The following GRID2 variants were observed in gnomAD, a reference collection of about 807,000 sequenced individuals.
The protein encoded by GRID2 is glutamate receptor ionotropic, delta-2.
In GRID2, 33 loss-of-function variants were observed where a neutral mutation model predicts 114.8. The ratio of observed to expected loss-of-function variants is 0.29; its 90% CI spans 0.22 to 0.38. GRID2 has a LOEUF of 0.38. Among genes scored for constraint, GRID2 ranks in the 10% least tolerant of loss-of-function variants. GRID2 has a pLI of 1.00. For synonymous variants in GRID2, 505 were observed against 449.9 expected (o/e 1.12, Z -1.55); for missense variants, 1,184 against 1,257.7 (o/e 0.94, Z 0.89).
At chr4:92,356,087 C>A (rs1177919835) in intron 1 of GRID2, among the ~76,000 whole-genome samples, 2 of 151,394 alleles carry the variant, frequency 1.3e-5, no homozygotes, top group South Asian at 4.1e-4. Flanking sequence ...CATTTTATTT[C>A]TTTTATTGAG....
intron 1 of GRID2, among the ~76,000 whole-genome samples, chr4:92,415,323 A>T (rs1731542858): frequency 6.6e-6 from 1 of 151,804 alleles, no homozygotes; most frequent in South Asian, 2.1e-4. Flanking sequence ...GTTTATTTTT[A>T]TTATTATTAT....
At chr4:92,861,005 T>C (rs957075968) in intron 2 of GRID2, among the ~76,000 whole-genome samples, 3 of 152,078 alleles carry the variant, frequency 2.0e-5, no homozygotes, top group Non-Finnish European at 4.4e-5. Flanking sequence ...GTTATAAATA[T>C]ATGACAGTAC....
At chr4:93,744,498 G>T (rs1269041254) in intron 14 of GRID2, among the ~76,000 whole-genome samples, 1 of 152,182 alleles carries the variant, frequency 6.6e-6, no homozygotes, top group Non-Finnish European at 1.5e-5. Flanking sequence ...AGTAACTGCA[G>T]ATGTGGTGGA....
chr4:92,583,222 T>C (rs554182153), intron 1 of GRID2, among the ~76,000 whole-genome samples: 3 of 152,202 alleles, frequency 2.0e-5, no homozygotes, highest in African/African-American at 7.2e-5. Context: ...AAATAATGTC[T>C]ATGAGCCACT....
intron 1 of GRID2, among the ~76,000 whole-genome samples, chr4:92,429,012 C>T (rs549757934): frequency 2.0e-5 from 3 of 152,280 alleles, no homozygotes; most frequent in African/African-American, 4.8e-5. Flanking sequence ...CTATCCCTCC[C>T]TTACCTCCAC....
intron 2 of GRID2, among the ~76,000 whole-genome samples, chr4:92,622,006 A>G (rs62307910): frequency 0.056 from 8,444 of 151,880 alleles, 304 homozygotes; most frequent in East Asian, 0.16. Flanking sequence ...TAGAACAATC[A>G]TGTTTGTTAT....
intron 14 of GRID2, among the ~76,000 whole-genome samples, chr4:93,681,285 C>A (rs181480433): frequency 0.019 from 2,789 of 146,340 alleles, 72 homozygotes; most frequent in Non-Finnish European, 0.024. Flanking sequence ...AAGAGGATAC[C>A]AAGAAATGGA....
intron 1 of GRID2, among the ~76,000 whole-genome samples, chr4:93,791,135 A>G (rs1206864689): frequency 6.6e-6 from 1 of 152,242 alleles, no homozygotes; most frequent in Non-Finnish European, 1.5e-5. Context: ...GAGATGTACA[A>G]ATGAAAACAT....
chr4:92,411,645 G>GTATATATATATATA (rs1390740726), intron 1 of GRID2, among the ~76,000 whole-genome samples: 14 of 92,836 alleles, frequency 1.5e-4, no homozygotes, highest in Non-Finnish European at 2.8e-4. Context: ...GTGTGTGTGT[G>GTATATATATATATA]TGTGTGTGTG....
intron 2 of GRID2, among the ~76,000 whole-genome samples, chr4:92,796,847 T>A (rs1039111162): frequency 3.9e-5 from 6 of 152,064 alleles, no homozygotes; most frequent in Admixed American, 2.0e-4. Flanking sequence ...CTTCACTTGT[T>A]CTCAAATCAT....
chr4:93,586,836 C>T (rs1056796643), intron 13 of GRID2, among the ~76,000 whole-genome samples: 1 of 152,122 alleles, frequency 6.6e-6, no homozygotes. Flanking sequence ...TGGGCAGTTG[C>T]TTCAGTAATA....
chr4:93,170,031 A>G (rs1284323277), intron 4 of GRID2, among the ~76,000 whole-genome samples: 1 of 152,196 alleles, frequency 6.6e-6, no homozygotes, highest in Non-Finnish European at 1.5e-5. Flanking sequence ...TGTATAGGCT[A>G]TGTTTTTTGG....
At chr4:93,419,402 A>G (rs1477622989) in intron 9 of GRID2, among the ~76,000 whole-genome samples, 1 of 152,008 alleles carries the variant, frequency 6.6e-6, no homozygotes, top group African/African-American at 2.4e-5. Flanking sequence ...GCAGAGAAGG[A>G]ACAAGTATCT....
At chr4:92,675,203 C>A (rs1733284300) in intron 2 of GRID2, among the ~76,000 whole-genome samples, 1 of 152,052 alleles carries the variant, frequency 6.6e-6, no homozygotes, top group Non-Finnish European at 1.5e-5. Context: ...GGTCTGAATG[C>A]CTGGGGTATT....
chr4:92,435,456 C>T (rs989638814), intron 1 of GRID2, among the ~76,000 whole-genome samples: 4 of 152,128 alleles, frequency 2.6e-5, no homozygotes, highest in Non-Finnish European at 4.4e-5. Context: ...ATTCATCTGT[C>T]TAGAACAGAG....
intron 13 of GRID2, among the ~76,000 whole-genome samples, chr4:93,571,182 G>A (rs1350445979): frequency 1.3e-5 from 2 of 152,008 alleles, no homozygotes. Flanking sequence ...AAATAGAGAA[G>A]GAATGTTTTG....
intron 13 of GRID2, among the ~76,000 whole-genome samples, chr4:93,522,474 A>G (rs1730433751): frequency 6.6e-6 from 1 of 152,196 alleles, no homozygotes; most frequent in Admixed American, 6.5e-5. Flanking sequence ...GCATAAGTGC[A>G]AAGTCCACAA....
At chr4:92,384,568 AATATATAAAATATATTATATT>A (rs1729813619) in intron 1 of GRID2, among the ~76,000 whole-genome samples, 1 of 72,282 alleles carries the variant, frequency 1.4e-5, no homozygotes, top group Admixed American at 1.9e-4. Flanking sequence ...TATATAATAT[AATATATAAAATATATTATATT>A]ATATATAACA....
intron 2 of GRID2, among the ~76,000 whole-genome samples, chr4:92,753,945 A>T (rs543874291): frequency 6.6e-6 from 1 of 152,348 alleles, no homozygotes; most frequent in African/African-American, 2.4e-5. Context: ...TCTTAACTGT[A>T]TAGATACCAG....
Sources: gnomAD v4.1 joint callset for allele counts (sites outside exome capture counted in the v4.1 genomes callset) on GRCh38, gnomAD v4.1.1 for gene constraint, MANE v1.5 for transcripts, NCBI Gene and HGNC (gene_info 2026-07-23, HGNC 2026-07-21) for gene names.